The following FRMD5 variants were observed in gnomAD, a reference collection of about 807,000 sequenced individuals.
The protein encoded by FRMD5 is FERM domain containing 5.
A neutral mutation model predicts 69.0 loss-of-function variants in FRMD5; 20 were observed. The observed-to-expected ratio is 0.29, with a 90% confidence interval of 0.20 to 0.42. FRMD5 has a LOEUF of 0.42. Among genes scored for constraint, FRMD5 ranks in the 10% least tolerant of loss-of-function variants. The probability of loss-of-function intolerance (pLI) is 1.00; values close to 1 mark genes in which losing one functional copy is unlikely to be tolerated. For missense variants in FRMD5, 595 were observed against 708.6 expected (o/e 0.84, Z 1.82); for synonymous variants, 271 against 260.1 (o/e 1.04, Z -0.40).
Position 43,924,320 on chromosome 15 carries a change from A to G in FRMD5, c.103-11T>C. 1 of 1,602,678 alleles carries G rather than the reference A, an allele frequency of 6.2e-7. No homozygotes were observed. Among genetic ancestry groups the G allele is most frequent in the Non-Finnish European group, 8.5e-7 (1 of 1,170,450 alleles). On this transcript the variant is annotated splice_polypyrimidine_tract_variant and intron_variant, in intron 1 of 13. Coordinates refer to ENST00000417257, the MANE Select transcript of FRMD5 (RefSeq NM_032892.5). ...GCCTTTGGCATCTCTCTGCAAAGAA[A>G]GAAAACTCCATTGAGAAATGAGTGG...
intron 1 of FRMD5, among the ~76,000 whole-genome samples, chr15:43,940,039 T>G (rs1465306394): frequency 6.6e-6 from 1 of 152,134 alleles, no homozygotes; most frequent in Non-Finnish European, 1.5e-5. Flanking sequence ...TAGCCAGGCT[T>G]GGTAGCGGGT....
intron 1 of FRMD5, among the ~76,000 whole-genome samples, chr15:44,137,209 T>G (rs979461719): frequency 4.6e-5 from 7 of 152,246 alleles, no homozygotes; most frequent in African/African-American, 1.7e-4. Flanking sequence ...GGCACTCCTG[T>G]GCCAAGTGCT....
At chr15:43,979,458 G>A (rs2090515528) in intron 1 of FRMD5, among the ~76,000 whole-genome samples, 2 of 152,280 alleles carry the variant, frequency 1.3e-5, no homozygotes, top group Non-Finnish European at 2.9e-5. Context: ...GGCCACTAGA[G>A]TCCATTGTTG....
At chr15:44,103,033 G>A (rs952289900) in intron 1 of FRMD5, among the ~76,000 whole-genome samples, 3 of 152,306 alleles carry the variant, frequency 2.0e-5, no homozygotes, top group Admixed American at 6.5e-5. Flanking sequence ...AAAAGTCATG[G>A]TAGGGAGATT....
chr15:43,925,521 C>T (rs1351554545), intron 1 of FRMD5, among the ~76,000 whole-genome samples: 4 of 152,202 alleles, frequency 2.6e-5, no homozygotes, highest in African/African-American at 9.7e-5. Flanking sequence ...TACCCAGTTC[C>T]ATATTGATGA....
upstream of FRMD5, chr15:44,195,298 C>T: frequency 2.0e-6 from 1 of 494,144 alleles, no homozygotes; most frequent in Non-Finnish European, 3.6e-6. Flanking sequence ...AGTGCCCGTG[C>T]CCAGCTCGCG....
intron 1 of FRMD5, among the ~76,000 whole-genome samples, chr15:43,976,555 GC>G (rs1211139814): frequency 1.3e-5 from 2 of 152,316 alleles, no homozygotes; most frequent in African/African-American, 4.8e-5. Context: ...GAGAGAGAAG[GC>G]AACTCAATGG....
chr15:44,070,638 C>G (rs1893502385), intron 1 of FRMD5, among the ~76,000 whole-genome samples: 1 of 152,138 alleles, frequency 6.6e-6, no homozygotes, highest in Non-Finnish European at 1.5e-5. Context: ...GACATGGTAG[C>G]TCCATAAGCT....
At chr15:44,021,444 C>G (rs1033155630) in intron 1 of FRMD5, among the ~76,000 whole-genome samples, 4 of 152,234 alleles carry the variant, frequency 2.6e-5, no homozygotes, top group African/African-American at 9.6e-5. Flanking sequence ...GGAACACCTA[C>G]AACTCAATAA....
At chr15:44,037,881 C>G (rs531788261) in intron 1 of FRMD5, among the ~76,000 whole-genome samples, 2 of 152,200 alleles carry the variant, frequency 1.3e-5, no homozygotes, top group Non-Finnish European at 2.9e-5. Context: ...AATCACCACA[C>G]TGTCTTCCAC....
At chr15:44,066,349 C>T (rs1015948505) in intron 1 of FRMD5, among the ~76,000 whole-genome samples, 1 of 152,206 alleles carries the variant, frequency 6.6e-6, no homozygotes, top group African/African-American at 2.4e-5. Context: ...AGCTATAATA[C>T]GAGGTCAAAT....
At chr15:44,130,306 T>A (rs2077081409) in intron 1 of FRMD5, among the ~76,000 whole-genome samples, 1 of 152,188 alleles carries the variant, frequency 6.6e-6, no homozygotes, top group South Asian at 2.1e-4. Context: ...CTTCATGGCC[T>A]TTTTCCCCAC....
rs537298848 is a variant in FRMD5, at chr15:43,990,101, G to A, written c.103-65792C>T. Reference sequence around the variant, plus strand: ...CCCACAATGAAGGGGAAGATGGCCCGGGGTGGGCATCGTCACCTGCAAAGC... The same window carrying A: ...CCCACAATGAAGGGGAAGATGGCCCAGGGTGGGCATCGTCACCTGCAAAGC... On this transcript the variant is annotated intron_variant, in intron 1 of 13. Coordinates refer to ENST00000417257, the MANE Select transcript of FRMD5 (RefSeq NM_032892.5). 47 of 662,418 alleles carry A rather than the reference G, an allele frequency of 7.1e-5. 1 individual carries two copies. Among genetic ancestry groups the A allele is most frequent in the South Asian group, 5.0e-4 (34 of 68,394 alleles). The allele number at this position is 662,418 out of a possible 1,614,324, so 41.0% of individuals were successfully genotyped here. A position where few individuals can be genotyped will look rare whatever the true frequency, so the allele number is the denominator to read the frequency against.
chr15:43,902,936 C>G (rs535265408), intron 6 of FRMD5, among the ~76,000 whole-genome samples: 5 of 152,248 alleles, frequency 3.3e-5, no homozygotes, highest in Admixed American at 6.5e-5. Flanking sequence ...AAAGGAAACA[C>G]AGGAAATTAG....
intron 1 of FRMD5, among the ~76,000 whole-genome samples, chr15:43,958,251 T>G (rs1211695072): frequency 1.3e-5 from 2 of 152,072 alleles, no homozygotes; most frequent in Non-Finnish European, 2.9e-5. Context: ...ACACAGGTGC[T>G]GAATAATGTA....
chr15:44,193,192 G>A (rs2078225137), intron 1 of FRMD5, among the ~76,000 whole-genome samples: 1 of 152,164 alleles, frequency 6.6e-6, no homozygotes, highest in African/African-American at 2.4e-5. Context: ...GATGTGAATT[G>A]TGTTTTATTT....
chr15:43,934,089 G>A (rs1465276804), intron 1 of FRMD5, among the ~76,000 whole-genome samples: 1 of 152,162 alleles, frequency 6.6e-6, no homozygotes, highest in Non-Finnish European at 1.5e-5. Flanking sequence ...TTCTGTCTTG[G>A]CTGTCAAGAC....
At chr15:43,974,971 T>C (rs1363657324) in intron 1 of FRMD5, among the ~76,000 whole-genome samples, 3 of 152,178 alleles carry the variant, frequency 2.0e-5, no homozygotes, top group Admixed American at 6.5e-5. Context: ...GGCTCAAAGG[T>C]GAGAACCCCA....
intron 1 of FRMD5, among the ~76,000 whole-genome samples, chr15:44,111,404 G>A (rs974910166): frequency 6.6e-6 from 1 of 152,158 alleles, no homozygotes; most frequent in Non-Finnish European, 1.5e-5. Context: ...AAGTATTCCA[G>A]GGTGATAAAC....
Sources: gnomAD v4.1 joint callset for allele counts (sites outside exome capture counted in the v4.1 genomes callset) on GRCh38, gnomAD v4.1.1 for gene constraint, MANE v1.5 for transcripts, NCBI Gene and HGNC (gene_info 2026-07-23, HGNC 2026-07-21) for gene names.